COL25A1: variants seen among roughly 807,000 people sequenced by gnomAD.
COL25A1 encodes collagen alpha-1(XXV) chain.
Under a neutral mutation model 128.4 loss-of-function variants are expected in COL25A1, and 103 were observed. The observed-to-expected ratio is 0.80, with a 90% CI of 0.68 to 0.94. COL25A1 has a LOEUF of 0.94. Among genes scored for constraint, COL25A1 ranks in the 40% least tolerant of loss-of-function variants. The pLI is 0.00. For missense variants in COL25A1, 745 were observed against 840.0 expected, an observed-to-expected ratio of 0.89 and a Z score of 1.40; for synonymous variants, 279 against 277.2, an observed-to-expected ratio of 1.01 and a Z score of -0.06.
chr4:109,114,553 G>C (rs1767339820), intron 3 of COL25A1, among the ~76,000 whole-genome samples: 1 of 152,022 alleles, frequency 6.6e-6, no homozygotes. Flanking sequence ...TAGGACCAGG[G>C]AGCTGCATGT....
Position 108,999,209 on chromosome 4 carries a change from C to CTATCCATCTGACAAAGGTCTAA in COL25A1, c.438+11148_438+11149insTTAGACCTTTGTCAGATGGATA, listed in dbSNP as rs1553995495. Among the ~76,000 whole-genome samples the CTATCCATCTGACAAAGGTCTAA allele has an allele frequency of 2.1e-4, 31 of 150,258 alleles. No homozygotes were observed. In the East Asian group the frequency reaches 6.1e-3, roughly 30 times the overall value. ...AAGAATGGGACAAAATCTTTGCAATCTATCCATCTGACAAAGGGCTAATAT... is the reference window on the plus strand; with the variant it reads ...AAGAATGGGACAAAATCTTTGCAATCTATCCATCTGACAAAGGTCTAATATCCATCTGACAAAGGGCTAATAT... On this transcript the variant is annotated intron_variant, in intron 6 of 37. Transcript: ENST00000399132.
chr4:108,920,418 A>G (rs1416878765), intron 12 of COL25A1, among the ~76,000 whole-genome samples, 160 bp downstream of exon 12: 3 of 152,176 alleles, frequency 2.0e-5, no homozygotes, highest in Non-Finnish European at 4.4e-5. Context: ...TTAGAAATCT[A>G]ATGCTCACAT....
intron 13 of COL25A1, among the ~76,000 whole-genome samples, chr4:108,906,090 G>A (rs1743479500): frequency 2.6e-5 from 4 of 152,224 alleles, no homozygotes; most frequent in South Asian, 2.1e-4. Flanking sequence ...CAGGCATAGA[G>A]CTCCTTCACT....
intron 10 of COL25A1, among the ~76,000 whole-genome samples, chr4:108,939,905 A>T (rs1307579887): frequency 2.0e-5 from 3 of 152,116 alleles, no homozygotes; most frequent in Non-Finnish European, 4.4e-5. Flanking sequence ...AAGTATTGAG[A>T]TTACTTTTAA....
intron 13 of COL25A1, among the ~76,000 whole-genome samples, chr4:108,916,479 AT>A (rs1436628522): frequency 1.3e-5 from 2 of 152,186 alleles, no homozygotes; most frequent in African/African-American, 4.8e-5. Context: ...GTTTTGTTTC[AT>A]GTTAAAAGTT....
chr4:109,000,758 A>G (rs1406805419), intron 6 of COL25A1, among the ~76,000 whole-genome samples: 1 of 143,546 alleles, frequency 7.0e-6, no homozygotes, highest in Non-Finnish European at 1.5e-5. Context: ...AAAAAAAAAA[A>G]AAAAAAAAAA....
chr4:108,905,573 CT>C (rs2125873127), intron 13 of COL25A1, among the ~76,000 whole-genome samples: 1 of 150,316 alleles, frequency 6.7e-6, no homozygotes, highest in African/African-American at 2.4e-5. Context: ...TTCTTTTTAC[CT>C]TTTTTCAATG....
At chr4:109,197,491 T>C (rs1436592314) in intron 3 of COL25A1, among the ~76,000 whole-genome samples, 1 of 127,720 alleles carries the variant, frequency 7.8e-6, no homozygotes, top group African/African-American at 2.9e-5. Flanking sequence ...ATATATTATA[T>C]ATAAATATAT....
chr4:108,990,042 G>A (rs1468797652), intron 6 of COL25A1, among the ~76,000 whole-genome samples: 9 of 150,732 alleles, frequency 6.0e-5, no homozygotes, highest in East Asian at 1.9e-4. Context: ...GTAAAACCCC[G>A]TCTCTACTAA....
At chr4:108,947,187 T>C (rs1578855909) in intron 8 of COL25A1, among the ~76,000 whole-genome samples, 2 of 152,226 alleles carry the variant, frequency 1.3e-5, no homozygotes, top group Admixed American at 1.3e-4. Context: ...CTCATGCCTA[T>C]AATCCCAGCA....
chr4:109,167,385 G>A (rs959519782), intron 3 of COL25A1, among the ~76,000 whole-genome samples: 10 of 152,040 alleles, frequency 6.6e-5, no homozygotes, highest in Non-Finnish European at 1.2e-4. Flanking sequence ...CTAATTCCAC[G>A]TGTGTAATAC....
At chr4:109,019,708 G>A (rs907780236) in intron 5 of COL25A1, among the ~76,000 whole-genome samples, 31 of 151,992 alleles carry the variant, frequency 2.0e-4, no homozygotes, top group African/African-American at 7.0e-4. Flanking sequence ...GACACGTGGG[G>A]ATTATGGGGA....
rs1388662582 is a variant in COL25A1 at position 108,964,088 on chromosome 4, TATTAA to T, written c.492+10274_492+10278del. On this transcript the variant is annotated intron_variant, in intron 8 of 37. Transcript: ENST00000399132. Reference sequence around the variant, plus strand: ...GAATAATTTAATTAAATAATGTGAATATTAAATTAAATTAATAAATTAATAAATAG... The same window carrying T: ...GAATAATTTAATTAAATAATGTGAATATTAAATTAATAAATTAATAAATAG... 2.0e-5 allele frequency among the ~76,000 whole-genome samples: 3 copies of T among 150,044 alleles called. No individual in the cohort carries two copies. In the East Asian group the frequency reaches 5.8e-4, roughly 29 times the overall value.
chr4:109,242,805 TA>T (rs1210977861), intron 3 of COL25A1, among the ~76,000 whole-genome samples: 3 of 152,042 alleles, frequency 2.0e-5, no homozygotes, highest in African/African-American at 7.2e-5. Context: ...TTATTGTATA[TA>T]TTTAAGGTAT....
intron 8 of COL25A1, among the ~76,000 whole-genome samples, chr4:108,960,877 C>T (rs1750601577): frequency 6.6e-6 from 1 of 152,142 alleles, no homozygotes. Context: ...ACTGTGCTTG[C>T]TTCCATCTCA....
At chr4:109,051,580 G>A (rs967296089) in intron 3 of COL25A1, among the ~76,000 whole-genome samples, 29 of 148,742 alleles carry the variant, frequency 1.9e-4, no homozygotes, top group Non-Finnish European at 3.3e-4. Context: ...TAAAAGGTAC[G>A]AAAATATAAA....
chr4:108,924,031 C>T (rs898462706), intron 11 of COL25A1, among the ~76,000 whole-genome samples: 1 of 152,138 alleles, frequency 6.6e-6, no homozygotes, highest in Non-Finnish European at 1.5e-5. Flanking sequence ...AGAATCTCAA[C>T]ATATTGAGCT....
rs553526231 is a variant in COL25A1 at position 108,835,997 on chromosome 4, G to A, written c.1657-3564C>T. Among the ~76,000 whole-genome samples, 433 of 145,590 alleles carry A rather than the reference G, an allele frequency of 3.0e-3. 1 individual carries two copies. The highest frequency in any genetic ancestry group is 4.6e-3 in the Non-Finnish European group (312 of 67,140). On this transcript the variant is annotated intron_variant, in intron 31 of 37. Transcript: ENST00000399132. ...TGCCATTCTCCTGCCTCAGCCTCCC[G>A]AGTAGCTGGGACTACAGGCACCCAC... is the stretch of plus-strand genomic sequence containing the variant.
At chr4:109,013,216 G>A (rs566822881) in intron 5 of COL25A1, among the ~76,000 whole-genome samples, 50 of 152,160 alleles carry the variant, frequency 3.3e-4, no homozygotes, top group African/African-American at 1.1e-3. Flanking sequence ...CTAGCTCAAG[G>A]TTTGTAAATG....
Sources: allele counts gnomAD v4.1 joint callset (sites outside exome capture counted in the v4.1 genomes callset), GRCh38; gene constraint gnomAD v4.1.1; transcripts MANE v1.5; gene names NCBI Gene and HGNC (gene_info 2026-07-23, HGNC 2026-07-21).